STK3: variants seen among roughly 807,000 people sequenced by gnomAD.
STK3 encodes serine/threonine kinase 3.
STK3 carries 41 observed loss-of-function variants against 58.0 expected under a neutral mutation model. The ratio of observed to expected loss-of-function variants is 0.71; its 90% CI spans 0.55 to 0.92. The LOEUF is 0.92. STK3 is among the 40% of genes least tolerant of loss of function. The pLI is 0.00. For missense variants in STK3, 479 were observed against 602.7 expected (o/e 0.79, Z 2.15); for synonymous variants, 170 against 191.0 (o/e 0.89, Z 0.91).
chr8:98,344,616 G>T, the STK3 span, among the ~76,000 whole-genome samples: 2 of 152,254 alleles, frequency 1.3e-5, no homozygotes, highest in South Asian at 4.1e-4. Context: ...ACCCTCGGCC[G>T]GGCGCGGTGG....
intron 2 of STK3, among the ~76,000 whole-genome samples, chr8:98,768,624 G>T (rs1351876878): frequency 1.3e-5 from 2 of 152,072 alleles, no homozygotes; most frequent in African/African-American, 2.4e-5. Flanking sequence ...AGCTAACATA[G>T]AATTCAGTGC....
chr8:98,822,837 T>C (rs1266396276), intron 1 of STK3, among the ~76,000 whole-genome samples: 1 of 152,216 alleles, frequency 6.6e-6, no homozygotes, highest in Non-Finnish European at 1.5e-5. Context: ...GAGACCAGCC[T>C]GGCCAACATG....
At chr8:98,664,610 C>T (rs949557840) in intron 6 of STK3, among the ~76,000 whole-genome samples, 14 of 152,160 alleles carry the variant, frequency 9.2e-5, no homozygotes, top group African/African-American at 2.9e-4. Context: ...TATAAAACGA[C>T]ATCTTATAAG....
Position 98,860,372 on chromosome 8 carries a change from C to T in STK3, c.110+23275G>A, listed in dbSNP as rs150904978. Among the ~76,000 whole-genome samples, 21 of 152,240 alleles carry T rather than the reference C, an allele frequency of 1.4e-4. No homozygotes were observed. In the East Asian group the frequency reaches 3.5e-3, roughly 25 times the overall value. On this transcript the variant is annotated intron_variant, in intron 3 of 12. Transcript: ENST00000523601. ...TTAGAAGGAGCCTGCTGTGGGAAGA[C>T]GCCCAAGAAGAGCTTTCTAGGCAGA...
In STK3 at chr8:98,587,160, G is replaced by T. The variant is rs199607279; in HGVS notation, c.823-7371C>A. ...GCTAGCTTTTGAATGTGTTTGCTCT[G>T]GCTTTTCTAGTTCTTTTAATTGTGA... On this transcript the variant is annotated intron_variant, in intron 7 of 10. Transcript: ENST00000419617. 1.3e-3 allele frequency among the ~76,000 whole-genome samples: 204 copies of T among 151,504 alleles called. 1 individual carries two copies. Among genetic ancestry groups the T allele is most frequent in the Middle Eastern group, 3.4e-3 (1 of 294 alleles).
At chr8:98,747,793 C>T (rs1829736437) in intron 4 of STK3, among the ~76,000 whole-genome samples, 1 of 152,168 alleles carries the variant, frequency 6.6e-6, no homozygotes, top group Non-Finnish European at 1.5e-5. Flanking sequence ...GGAAATTAGA[C>T]TCTTACCATG....
intron 1 of STK3, among the ~76,000 whole-genome samples, chr8:98,784,781 G>A (rs1343489266): frequency 6.6e-6 from 1 of 152,116 alleles, no homozygotes; most frequent in Non-Finnish European, 1.5e-5. Context: ...CTGCTCACAT[G>A]GACTAGCAGA....
chr8:98,862,900 C>G (rs1836986906), intron 3 of STK3, among the ~76,000 whole-genome samples: 1 of 152,184 alleles, frequency 6.6e-6, no homozygotes, highest in African/African-American at 2.4e-5. Context: ...TTCAAACCAG[C>G]CTAGTAGAGA....
intron 10 of STK3, among the ~76,000 whole-genome samples, chr8:98,505,998 C>G (rs1824031860): frequency 6.6e-6 from 1 of 152,184 alleles, no homozygotes; most frequent in Non-Finnish European, 1.5e-5. Context: ...TGCCCTGCCC[C>G]CAGAGGTGGG....
At chr8:98,504,472 T>C (rs1310283837) in intron 10 of STK3, among the ~76,000 whole-genome samples, 2 of 152,234 alleles carry the variant, frequency 1.3e-5, no homozygotes, top group African/African-American at 4.8e-5. Flanking sequence ...TTGATGCAGT[T>C]TCTTCCTAGC....
At chr8:98,430,832 G>A (rs765052482) in intron 3 of STK3, 1 of 167,064 alleles carries the variant, frequency 6.0e-6, no homozygotes, top group Non-Finnish European at 1.5e-5. Flanking sequence ...AAAGCTTAAT[G>A]CTATTCAAAA....
intron 6 of STK3, chr8:98,651,848 A>T (rs1820964529): frequency 4.6e-5 from 7 of 152,330 alleles, no homozygotes; most frequent in Admixed American, 2.6e-4. Flanking sequence ...GACCAGATCT[A>T]CGTCTGATTG....
chr8:98,423,639 C>G (rs1008651941), intron 3 of STK3, among the ~76,000 whole-genome samples: 1 of 152,230 alleles, frequency 6.6e-6, no homozygotes, highest in East Asian at 1.9e-4. Context: ...CACAGGTGAA[C>G]TGTCCAGTCC....
chr8:98,662,923 A>G (rs1822070909), intron 6 of STK3, among the ~76,000 whole-genome samples: 2 of 152,098 alleles, frequency 1.3e-5, no homozygotes, highest in Admixed American at 6.6e-5. Flanking sequence ...AACCATAAAA[A>G]CCCTAGAAGA....
intron 10 of STK3, among the ~76,000 whole-genome samples, chr8:98,501,520 G>C (rs1223773024): frequency 1.3e-5 from 2 of 152,132 alleles, no homozygotes; most frequent in Non-Finnish European, 2.9e-5. Flanking sequence ...TTTTCTTCTA[G>C]GGTTTTTATG....
At chr8:98,844,474 T>TG in intron 3 of STK3, among the ~76,000 whole-genome samples, 1 of 137,122 alleles carries the variant, frequency 7.3e-6, no homozygotes, top group South Asian at 2.2e-4. Flanking sequence ...TGTGTGTTTT[T>TG]GTTTTTTTTG....
intron 3 of STK3, chr8:98,427,832 C>A: frequency 1.6e-6 from 1 of 636,866 alleles, no homozygotes; most frequent in Non-Finnish European, 2.7e-6. Flanking sequence ...AGCCCTTCAG[C>A]ACCCAAGACC....
chr8:98,492,658 A>G (rs1231957512), intron 10 of STK3, among the ~76,000 whole-genome samples: 1 of 152,194 alleles, frequency 6.6e-6, no homozygotes, highest in East Asian at 1.9e-4. Context: ...AAGACCTACA[A>G]TGGCAGTTAA....
chr8:98,506,091 A>G (rs1426405823), intron 10 of STK3, among the ~76,000 whole-genome samples: 1 of 152,170 alleles, frequency 6.6e-6, no homozygotes. Flanking sequence ...TTACCTACTC[A>G]AGCCTCAGCA....
Sources: allele counts gnomAD v4.1 joint callset (sites outside exome capture counted in the v4.1 genomes callset), GRCh38; gene constraint gnomAD v4.1.1; transcripts MANE v1.5; gene names NCBI Gene and HGNC (gene_info 2026-07-23, HGNC 2026-07-21).